AHCYL1: variants seen among roughly 807,000 people sequenced by gnomAD.
AHCYL1 encodes S-adenosylhomocysteine hydrolase-like protein 1.
A neutral mutation model predicts 79.3 loss-of-function variants in AHCYL1; 20 were observed. The observed-to-expected ratio is 0.25, with a 90% confidence interval of 0.18 to 0.37. The LOEUF is 0.37. Ranked by LOEUF, AHCYL1 falls within the 10% of genes least tolerant of loss-of-function variation. The pLI, the probability that AHCYL1 is intolerant of heterozygous loss-of-function variation, is 1.00. For missense variants in AHCYL1, 330 were observed against 673.6 expected (o/e 0.49, Z 5.65); for synonymous variants, 223 against 242.2 (o/e 0.92, Z 0.74).
At chr1:109,997,736 A>G (rs1158752152) in intron 1 of AHCYL1, among the ~76,000 whole-genome samples, 2 of 152,212 alleles carry the variant, frequency 1.3e-5, no homozygotes. Flanking sequence ...AATTATGTAG[A>G]AAGACACAGC....
chr1:110,009,256 G>A (rs1479227160), intron 2 of AHCYL1, 111 bp downstream of exon 2: 5 of 916,114 alleles, frequency 5.5e-6, no homozygotes, highest in African/African-American at 1.7e-5. Flanking sequence ...CCACCTTTGT[G>A]CTGAAAACTG....
chr1:109,984,783 C>A lies in AHCYL1; in HGVS notation c.-270C>A, dbSNP rs1649367066. On this transcript the variant is annotated 5_prime_UTR_variant, in exon 1 of 17. Coordinates refer to ENST00000369799, the MANE Select transcript of AHCYL1 (RefSeq NM_006621.7). ...TACCCTCGCTTTGCGTGCGTGTTTG[C>A]GTACAGCGGAGGTGGCGGCGCGGGC... 6.3e-6 allele frequency: 2 copies of A among 319,066 alleles called. No individual in the cohort carries two copies. Among genetic ancestry groups the A allele is most frequent in the South Asian group, 1.5e-4 (2 of 13,678 alleles). 19.8% of individuals were successfully genotyped at this position (319,066 alleles called of 1,614,324 possible).
intron 1 of AHCYL1, among the ~76,000 whole-genome samples, chr1:109,989,442 C>T (rs1028388661): frequency 3.9e-5 from 6 of 152,120 alleles, no homozygotes; most frequent in Non-Finnish European, 8.8e-5. Context: ...TTGTCTTGAA[C>T]TCCTGGGCTC....
intron 1 of AHCYL1, among the ~76,000 whole-genome samples, chr1:109,989,430 G>A (rs1649641928): frequency 6.6e-6 from 1 of 151,960 alleles, no homozygotes; most frequent in South Asian, 2.1e-4. Flanking sequence ...TGTTGCCCAG[G>A]CTTGTCTTGA....
In AHCYL1 at chr1:109,984,843, T is replaced by C. The variant is rs1349187712; in HGVS notation, c.-210T>C. ...CTCGGAGCTGCTGTTCTGGTTCTCT[T>C]GTGGCCGCCGTCGCTGTCCGGCTGC... is the stretch of plus-strand genomic sequence containing the variant. On this transcript the variant is annotated 5_prime_UTR_variant, in exon 1 of 17. Transcript: ENST00000369799. 1.5e-6 allele frequency: 1 copy of C among 678,236 alleles called. No individual in the cohort carries two copies. The highest frequency in any genetic ancestry group is 2.1e-6 in the Non-Finnish European group (1 of 486,456). The allele number at this position is 678,236 out of a possible 1,614,324, so 42.0% of individuals were successfully genotyped here.
intron 1 of AHCYL1, among the ~76,000 whole-genome samples, chr1:110,008,551 T>C (rs1256181625): frequency 2.0e-5 from 3 of 151,310 alleles, no homozygotes; most frequent in South Asian, 4.2e-4. Flanking sequence ...TCACCATTTC[T>C]AGGCATCTCT....
chr1:110,004,650 G>GTGTGGGCC (rs1386618507), intron 1 of AHCYL1, among the ~76,000 whole-genome samples: 2 of 152,118 alleles, frequency 1.3e-5, no homozygotes, highest in Non-Finnish European at 2.9e-5. Context: ...GGGCATGGTG[G>GTGTGGGCC]TGTGGGCCTA....
At chr1:109,998,224 G>C (rs1196316199) in intron 1 of AHCYL1, among the ~76,000 whole-genome samples, 1 of 152,036 alleles carries the variant, frequency 6.6e-6, no homozygotes, top group African/African-American at 2.4e-5. Context: ...TCACTTCCTG[G>C]GACTGGGACT....
At chr1:109,998,772 C>T (rs1650156166) in intron 1 of AHCYL1, among the ~76,000 whole-genome samples, 1 of 152,212 alleles carries the variant, frequency 6.6e-6, no homozygotes, top group Non-Finnish European at 1.5e-5. Flanking sequence ...GCCACCGAGC[C>T]TGGCCATAAA....
chr1:110,001,498 T>C (rs1650312871), intron 1 of AHCYL1, among the ~76,000 whole-genome samples: 1 of 152,228 alleles, frequency 6.6e-6, no homozygotes, highest in Non-Finnish European at 1.5e-5. Flanking sequence ...GACAGCTTTT[T>C]ATTTCCCTGA....
At chr1:110,012,025 T>C (rs556640632) in intron 3 of AHCYL1, among the ~76,000 whole-genome samples, 16 of 152,352 alleles carry the variant, frequency 1.1e-4, no homozygotes, top group African/African-American at 3.1e-4. Flanking sequence ...TGATTATATA[T>C]AGGAATCTAT....
intron 5 of AHCYL1, among the ~76,000 whole-genome samples, chr1:110,014,420 A>G (rs185122368): frequency 1.0e-3 from 157 of 152,334 alleles, no homozygotes; most frequent in Non-Finnish European, 1.9e-3. Flanking sequence ...TATTTTCCTA[A>G]TGGAGAACAT....
Position 109,985,011 on chromosome 1 carries a change from G to A in AHCYL1, c.-42G>A. 1 of 1,477,972 alleles carries A rather than the reference G, an allele frequency of 6.8e-7. No homozygotes were observed. The highest frequency in any genetic ancestry group is 9.0e-7 in the Non-Finnish European group (1 of 1,112,172). 91.6% of individuals were successfully genotyped at this position (1,477,972 alleles called of 1,614,324 possible). ...CGGGCGGGCGCCAGAGGGGGAAAGA[G>A]GCGGGGGCGGCGGGTCAGCCGCTGG... is the stretch of plus-strand genomic sequence containing the variant. On this transcript the variant is annotated 5_prime_UTR_variant, in exon 1 of 17. Coordinates refer to ENST00000369799, the MANE Select transcript of AHCYL1 (RefSeq NM_006621.7).
chr1:110,010,848 T>G (rs1302368304), intron 2 of AHCYL1, among the ~76,000 whole-genome samples: 1 of 152,230 alleles, frequency 6.6e-6, no homozygotes, highest in Non-Finnish European at 1.5e-5. Context: ...GAAATAGCAT[T>G]CCTTATCTGC....
intron 1 of AHCYL1, chr1:109,985,634 G>A (rs1570835849): frequency 1.2e-6 from 1 of 820,896 alleles, no homozygotes; most frequent in Non-Finnish European, 1.5e-6. Flanking sequence ...GGAGGCAAGA[G>A]AAAAGAATGC....
rs1226136799 is a variant in AHCYL1, at chr1:110,012,932, G to A, written c.513G>A (p.Gln171=). Residue 171 remains glutamine (Q), a synonymous_variant, in exon 5 of 17, where the codon CAG becomes CAA. Coordinates refer to ENST00000369799, the MANE Select transcript of AHCYL1 (RefSeq NM_006621.7). ...LIETLCALGA[Q]CRWSACNIYS... is the part of the protein sequence containing the mutation. ...AGACACTCTGTGCCCTGGGGGCTCAGTGCCGCTGGTCTGCTTGTAACATCT... is the reference window on the plus strand; with the variant it reads ...AGACACTCTGTGCCCTGGGGGCTCAATGCCGCTGGTCTGCTTGTAACATCT... 1.6e-5 allele frequency: 25 copies of A among 1,612,808 alleles called. No homozygotes were observed. The highest frequency in any genetic ancestry group is 2.7e-5 in the African/African-American group (2 of 74,878).
chr1:110,011,214 C>G lies in AHCYL1; in HGVS notation c.233C>G (p.Ala78Gly). 6.2e-7 allele frequency: 1 copy of G among 1,613,354 alleles called. No individual in the cohort carries two copies. The highest frequency in any genetic ancestry group is 8.5e-7 in the Non-Finnish European group (1 of 1,179,752). Reference protein sequence around the residue: ...SQSSTDSYSSAASYTDSSDDE... With the variant: ...SQSSTDSYSSGASYTDSSDDE... ...TTGTTTTTTTCTTTCCTGGCTCTAG[C>G]TGCATCCTACACAGATAGCTCTGAT... is the stretch of plus-strand genomic sequence containing the variant. Residue 78 changes from alanine to glycine, a missense_variant and splice_region_variant, in exon 3 of 17, where the codon GCT (alanine) becomes GGT (glycine). By Grantham distance (60) the Ala-to-Gly change is moderately conservative. Around this residue, in one of 6 missense-constraint regions of AHCYL1, gnomAD observed 97 missense variants for 176.3 expected, o/e 0.55. Transcript: ENST00000369799.
In AHCYL1 at chr1:110,018,631, G is replaced by A; in HGVS notation, c.1298G>A (p.Arg433Gln). 6.2e-7 allele frequency: 1 copy of A among 1,613,402 alleles called. No individual in the cohort carries two copies. The highest frequency in any genetic ancestry group is 8.5e-7 in the Non-Finnish European group (1 of 1,179,772). The change falls in exon 13 of 17, where the codon CGA becomes CAA. Residue 433 changes from arginine (R) to glutamine (Q), a missense_variant. Physicochemically the swap from Arg to Gln is conservative, Grantham distance 43. Around this residue, in one of 6 missense-constraint regions of AHCYL1, gnomAD observed 119 missense variants for 293.3 expected, o/e 0.41. Transcript: ENST00000369799. ...VDHVIWPDGK[R>Q]VVLLAEGRLL... ...CATGTCATCTGGCCAGATGGCAAAC[G>A]AGTTGTCCTCCTGGCAGAGGTACAC...
At chr1:110,006,047 G>C (rs1271456354) in intron 1 of AHCYL1, among the ~76,000 whole-genome samples, 1 of 152,082 alleles carries the variant, frequency 6.6e-6, no homozygotes. Flanking sequence ...TGTTAAACTG[G>C]CCTGATATTT....
Sources: gnomAD v4.1 joint callset for allele counts (sites outside exome capture counted in the v4.1 genomes callset) on GRCh38, gnomAD v4.1.1 for gene constraint, gnomAD v4.1.1 regional missense constraint, MANE v1.5 for transcripts, NCBI Gene and HGNC (gene_info 2026-07-23, HGNC 2026-07-21) for gene names.